DCUN1D1: variants seen among roughly 807,000 people sequenced by gnomAD.
DCUN1D1 encodes DCN1-like protein 1.
In DCUN1D1, 3 loss-of-function variants were observed where a neutral mutation model predicts 39.0. The observed-to-expected ratio is 0.08, with a 90% CI of 0.04 to 0.20. The LOEUF (loss-of-function observed/expected upper bound fraction) is 0.20. DCUN1D1 is among the 10% of genes least tolerant of loss of function. The pLI is 1.00. For synonymous variants in DCUN1D1, 82 were observed against 96.3 expected (o/e 0.85, Z 0.87); for missense variants, 158 against 302.4 (o/e 0.52, Z 3.54).
At chr3:182,981,865 A>G (rs188786129), upstream of DCUN1D1, among the ~76,000 whole-genome samples, 2 of 152,262 alleles carry the variant, frequency 1.3e-5, no homozygotes, top group Admixed American at 1.3e-4. Context: ...CTTTCCCCCA[A>G]TATTTAAAGA....
In DCUN1D1 at chr3:182,961,199, C is replaced by T. The variant is rs1256393534; in HGVS notation, c.520+27G>A. 7 of 1,419,334 alleles carry T rather than the reference C, an allele frequency of 4.9e-6. No individual in the cohort carries two copies. In the Admixed American group the frequency reaches 1.5e-4, roughly 31 times the overall value. 87.9% of individuals were successfully genotyped at this position (1,419,334 alleles called of 1,614,324 possible). On this transcript the variant is annotated intron_variant, in intron 4 of 6. Transcript: ENST00000292782. Reference sequence around the variant, plus strand: ...AATGTATTTGAATATATCTGAAACACCAAATATAATTTTTAAAAATTCTTA... The same window carrying T: ...AATGTATTTGAATATATCTGAAACATCAAATATAATTTTTAAAAATTCTTA...
intron 1 of DCUN1D1, 103 bp downstream of exon 1, chr3:182,980,384 C>T: frequency 1.1e-6 from 1 of 879,486 alleles, no homozygotes; most frequent in Non-Finnish European, 1.4e-6. Flanking sequence ...GGCCGAGGCT[C>T]GGGGCTGCAG....
chr3:182,975,682 TAAAAA>T (rs56722976), intron 1 of DCUN1D1, among the ~76,000 whole-genome samples: 4 of 122,008 alleles, frequency 3.3e-5, no homozygotes, highest in African/African-American at 9.8e-5. Flanking sequence ...CTTGCTGGGT[TAAAAA>T]AAAAAAAAAA....
intron 1 of DCUN1D1, among the ~76,000 whole-genome samples, chr3:182,979,600 T>TCCC (rs1553846258): frequency 5.8e-5 from 8 of 137,106 alleles, no homozygotes; most frequent in East Asian, 4.3e-4. Flanking sequence ...GAGGACTTTT[T>TCCC]CCCCCCCCCA....
At chr3:182,948,741 C>G (rs1456128762) in intron 4 of DCUN1D1, among the ~76,000 whole-genome samples, 1 of 152,048 alleles carries the variant, frequency 6.6e-6, no homozygotes, top group East Asian at 1.9e-4. Flanking sequence ...GAGGCAAGTG[C>G]TGCCCCAATT....
intron 1 of DCUN1D1, among the ~76,000 whole-genome samples, chr3:182,969,387 C>A (rs1021217165): frequency 1.3e-5 from 2 of 152,004 alleles, no homozygotes; most frequent in Non-Finnish European, 2.9e-5. Context: ...AGGTGACTAA[C>A]CAGAGAAGAA....
chr3:182,955,541 C>T (rs1181252816), intron 4 of DCUN1D1: 2 of 528,474 alleles, frequency 3.8e-6, no homozygotes, highest in Non-Finnish European at 3.8e-6. Context: ...CTATATTTTA[C>T]ATGCCACTCA....
chr3:182,985,069 T>C (rs1189013580), upstream of DCUN1D1, among the ~76,000 whole-genome samples: 2 of 152,238 alleles, frequency 1.3e-5, no homozygotes, highest in Non-Finnish European at 2.9e-5. Context: ...ATGGAACCTA[T>C]TTTGTTTTCA....
chr3:182,957,553 G>C (rs920722236), intron 4 of DCUN1D1, among the ~76,000 whole-genome samples: 3 of 152,008 alleles, frequency 2.0e-5, no homozygotes, highest in Non-Finnish European at 4.4e-5. Flanking sequence ...TTGAGCCTAG[G>C]AGTTTGAGAC....
chr3:182,970,675 G>A (rs1472785894), intron 1 of DCUN1D1, among the ~76,000 whole-genome samples: 5 of 152,170 alleles, frequency 3.3e-5, no homozygotes, highest in South Asian at 2.1e-4. Flanking sequence ...ACACTTTTAC[G>A]ATCACCTATA....
chr3:182,980,532 A>G lies in DCUN1D1; in HGVS notation c.-43T>C. ...CTCTCCCCTCCTCCTCCGGCTCCGC[A>G]GCGAATGGACGGCGGCGGCGGCGGC... is the stretch of plus-strand genomic sequence containing the variant. On this transcript the variant is annotated 5_prime_UTR_variant, in exon 1 of 7. Coordinates refer to ENST00000292782, the MANE Select transcript of DCUN1D1 (RefSeq NM_020640.4). 1.6e-6 allele frequency: 2 copies of G among 1,231,248 alleles called. No homozygotes were observed. The highest frequency in any genetic ancestry group is 1.9e-5 in the South Asian group (1 of 51,386). The allele number at this position is 1,231,248 out of a possible 1,614,324, so 76.3% of individuals were successfully genotyped here. A position where few individuals can be genotyped will look rare whatever the true frequency, so the allele number is the denominator to read the frequency against.
At chr3:182,973,634 C>T (rs1053247079) in intron 1 of DCUN1D1, among the ~76,000 whole-genome samples, 1 of 152,058 alleles carries the variant, frequency 6.6e-6, no homozygotes, top group Non-Finnish European at 1.5e-5. Flanking sequence ...TGGTGAAACC[C>T]CGTCTCTACT....
chr3:182,955,369 C>G (rs1726986494), intron 4 of DCUN1D1: 1 of 538,150 alleles, frequency 1.9e-6, no homozygotes, highest in African/African-American at 1.9e-5. Flanking sequence ...TCTGTTTTTC[C>G]TGGTTCTTTA....
chr3:182,943,454 A>G lies in DCUN1D1; in HGVS notation c.*1640T>C, dbSNP rs1205715123. ...AATTAAAGTTATGATTGGAATATTAATATGTCTATAGGGAAAGCTTTCTAG... is the reference window on the plus strand; with the variant it reads ...AATTAAAGTTATGATTGGAATATTAGTATGTCTATAGGGAAAGCTTTCTAG... On this transcript the variant is annotated 3_prime_UTR_variant, in exon 7 of 7. Transcript: ENST00000292782. 1 of 152,588 alleles carries G rather than the reference A, an allele frequency of 6.6e-6. No individual in the cohort carries two copies. Among genetic ancestry groups the G allele is most frequent in the Admixed American group, 6.6e-5 (1 of 15,264 alleles). 9.5% of individuals were successfully genotyped at this position (152,588 alleles called of 1,614,324 possible). A position where few individuals can be genotyped will look rare whatever the true frequency, so the allele number is the denominator to read the frequency against.
At chr3:182,945,584 G>A (rs1577155216) in intron 6 of DCUN1D1, among the ~76,000 whole-genome samples, 1 of 150,654 alleles carries the variant, frequency 6.6e-6, no homozygotes, top group African/African-American at 2.5e-5. Flanking sequence ...GGGACAGAGC[G>A]AGACTCCCTC....
At chr3:182,976,635 A>C (rs1187630251) in intron 1 of DCUN1D1, among the ~76,000 whole-genome samples, 1 of 152,078 alleles carries the variant, frequency 6.6e-6, no homozygotes, top group Non-Finnish European at 1.5e-5. Context: ...TAGCACCCCC[A>C]ATCCCCTTCC....
At chr3:182,961,974 T>C (rs938309811) in intron 3 of DCUN1D1, among the ~76,000 whole-genome samples, 4 of 152,256 alleles carry the variant, frequency 2.6e-5, no homozygotes, top group African/African-American at 9.6e-5. Context: ...AGCCTTATGG[T>C]AGAAATACCC....
At chr3:182,980,639 C>A (rs2108409742), upstream of DCUN1D1, 1 of 991,856 alleles carries the variant, frequency 1.0e-6, no homozygotes, top group East Asian at 8.4e-5. Context: ...CAGCCCCGGA[C>A]CTCGGGGAGG....
At chr3:182,965,002 T>A (rs1247230863) in intron 2 of DCUN1D1, among the ~76,000 whole-genome samples, 1 of 152,184 alleles carries the variant, frequency 6.6e-6, no homozygotes, top group Non-Finnish European at 1.5e-5. Flanking sequence ...TGAACATAAT[T>A]TGACTTTGGA....
Sources: gnomAD v4.1 joint callset for allele counts (sites outside exome capture counted in the v4.1 genomes callset) on GRCh38, gnomAD v4.1.1 for gene constraint, MANE v1.5 for transcripts, NCBI Gene and HGNC (gene_info 2026-07-23, HGNC 2026-07-21) for gene names.